ITGA2: variants seen among roughly 807,000 people sequenced by gnomAD.
ITGA2 encodes integrin alpha-2.
In ITGA2, 101 loss-of-function variants were observed where a neutral mutation model predicts 146.3. That is an observed-to-expected ratio of 0.69 (90% CI 0.59 to 0.81). The LOEUF is 0.81. Ranked by LOEUF, ITGA2 falls within the 40% of genes least tolerant of loss-of-function variation. The probability of loss-of-function intolerance (pLI) is 0.00; values close to 1 mark genes in which losing one functional copy is unlikely to be tolerated. For synonymous variants in ITGA2, 477 were observed against 487.1 expected, an observed-to-expected ratio of 0.98 and a Z score of 0.27; for missense variants, 1,281 against 1,402.7, an observed-to-expected ratio of 0.91 and a Z score of 1.39.
At chr5:53,080,410 A>G (rs551825693) in intron 24 of ITGA2, 101 bp from the exon 25 acceptor site, 1 of 866,862 alleles carries the variant, frequency 1.2e-6, no homozygotes, top group African/African-American at 1.6e-5. Context: ...ACTCAGTCTT[A>G]CCACCTCGTA....
intron 2 of ITGA2, among the ~76,000 whole-genome samples, chr5:53,037,874 ATAGCATAATACTG>A (rs1419152291): frequency 6.6e-6 from 1 of 152,350 alleles, no homozygotes; most frequent in South Asian, 2.1e-4. Flanking sequence ...AGAGTTTAAG[ATAGCATAATACTG>A]TCAGAGATGT....
At chr5:53,050,636 C>T (rs1744311850) in intron 6 of ITGA2, among the ~76,000 whole-genome samples, 1 of 152,174 alleles carries the variant, frequency 6.6e-6, no homozygotes, top group Non-Finnish European at 1.5e-5. Context: ...CTCACTGCCA[C>T]TCCTGTTCTG....
chr5:53,028,802 A>G lies in ITGA2; in HGVS notation c.185+1934A>G, dbSNP rs1013261329. Among the ~76,000 whole-genome samples, 3 of 152,092 alleles carry G rather than the reference A, an allele frequency of 2.0e-5. No homozygotes were observed. In the East Asian group the frequency reaches 5.8e-4, roughly 29 times the overall value. Reference sequence around the variant, plus strand: ...TCCATGAGCCAGTCCTGTTAATCCTATCACCAAAATACCAATTATACCTGG... The same window carrying G: ...TCCATGAGCCAGTCCTGTTAATCCTGTCACCAAAATACCAATTATACCTGG... On this transcript the variant is annotated intron_variant, in intron 2 of 29. Coordinates refer to ENST00000296585, the MANE Select transcript of ITGA2 (RefSeq NM_002203.4).
In ITGA2 at chr5:53,042,344, T is replaced by C. The variant is rs1346766776; in HGVS notation, c.295+123T>C. On this transcript the variant is annotated intron_variant, in intron 3 of 29. Transcript: ENST00000296585. ...CAGCTTTTTTTTGCCCTTATGTCTT[T>C]AGTAATATGGGGCACAATCATATCC... is the stretch of plus-strand genomic sequence containing the variant. The C allele has an allele frequency of 5.6e-6, 4 of 713,350 alleles. No individual in the cohort carries two copies. The East Asian group carries it at 1.1e-4, about 19-fold the overall frequency. The allele number at this position is 713,350 out of a possible 1,614,324, so 44.2% of individuals were successfully genotyped here.
chr5:53,056,123 T>A lies in ITGA2; in HGVS notation c.1070T>A (p.Leu357Ter). 6.2e-7 allele frequency: 1 copy of A among 1,611,876 alleles called. No individual in the cohort carries two copies. The highest frequency in any genetic ancestry group is 8.5e-7 in the Non-Finnish European group (1 of 1,178,722). The change falls in exon 9 of 30, where the codon TTA (leucine) becomes TAA (stop). Residue 357 changes from leucine to a stop codon, truncating the protein, a stop_gained. Transcript: ENST00000296585. LOFTEE classifies it high-confidence loss of function. ...EAALLEKAGT[L>*]GEQIFSIEGT... ...GCTCTACTAGAAAAGGCTGGGACATTAGGAGAACAAATTTTCAGCATTGAA... is the reference window on the plus strand; with the variant it reads ...GCTCTACTAGAAAAGGCTGGGACATAAGGAGAACAAATTTTCAGCATTGAA...
At position 53,090,772 on chromosome 5, in the gene ITGA2, T is replaced by TGGGGGG; in HGVS notation, c.*178_*179insGGGGGG. The TGGGGGG allele has an allele frequency of 2.1e-5, 2 of 96,340 alleles. No individual in the cohort carries two copies. Among genetic ancestry groups the TGGGGGG allele is most frequent in the South Asian group, 1.3e-4 (1 of 7,682 alleles). The allele number at this position is 96,340 out of a possible 1,614,324, so 6.0% of individuals were successfully genotyped here. On this transcript the variant is annotated 3_prime_UTR_variant, in exon 30 of 30. Coordinates refer to ENST00000296585, the MANE Select transcript of ITGA2 (RefSeq NM_002203.4). The stretch of plus-strand genomic sequence containing the variant: ...TTTGGAATGAAGAAATTGTGGGGGG[T>TGGGGGG]GGGGGAGGTGCGGGGGGCAGGTAGG...
intron 2 of ITGA2, among the ~76,000 whole-genome samples, chr5:53,035,587 T>C (rs1381493993): frequency 6.6e-6 from 1 of 152,216 alleles, no homozygotes; most frequent in Non-Finnish European, 1.5e-5. Context: ...ATTAAATTTA[T>C]GATAGCAGTA....
At chr5:53,074,123 AT>A (rs1487190466) in intron 20 of ITGA2, among the ~76,000 whole-genome samples, 1 of 151,686 alleles carries the variant, frequency 6.6e-6, no homozygotes, top group Non-Finnish European at 1.5e-5. Flanking sequence ...AAAAACTATC[AT>A]TTTTTTCTGG....
At chr5:53,038,138 A>G (rs1402206288) in intron 2 of ITGA2, among the ~76,000 whole-genome samples, 1 of 151,962 alleles carries the variant, frequency 6.6e-6, no homozygotes, top group East Asian at 1.9e-4. Context: ...TAGTTGAGAG[A>G]AAAAAACCAA....
intron 23 of ITGA2, 51 bp from the exon 24 acceptor site, chr5:53,078,721 C>A: frequency 9.3e-7 from 1 of 1,070,684 alleles, no homozygotes; most frequent in Non-Finnish European, 1.4e-6. Flanking sequence ...TATTAACCTT[C>A]AAGAACAAAA....
rs1201587796 is a variant in ITGA2, at chr5:53,034,383, C to T, written c.185+7515C>T. 4.0e-5 allele frequency among the ~76,000 whole-genome samples: 6 copies of T among 148,976 alleles called. No homozygotes were observed. In the East Asian group the frequency reaches 9.9e-4, roughly 24 times the overall value. ...CAAGATCACGTCACTGCACTCCAGC[C>T]GGGGCAACAGTGAGACTCCAACTCA... On this transcript the variant is annotated intron_variant, in intron 2 of 29. Transcript: ENST00000296585.
At position 53,046,496 on chromosome 5, in the gene ITGA2, G is replaced by A. The variant is rs3212677; in HGVS notation, c.387+1404G>A. ...GATATTCCAAGGTCTTTACAATAAG[G>A]TTGCTTTAATCTTTTTGTTTTTTGA... is the stretch of plus-strand genomic sequence containing the variant. On this transcript the variant is annotated intron_variant, in intron 4 of 29. Transcript: ENST00000296585. 1.2e-3 allele frequency among the ~76,000 whole-genome samples: 189 copies of A among 151,764 alleles called. 1 individual carries two copies. The Middle Eastern group carries it at 0.021, about 16-fold the overall frequency.
chr5:53,003,884 G>T (rs62357202), intron 1 of ITGA2, among the ~76,000 whole-genome samples: 1 of 151,968 alleles, frequency 6.6e-6, no homozygotes, highest in African/African-American at 2.4e-5. Flanking sequence ...CAGCTCAAGC[G>T]ATCTGCCCTC....
At chr5:53,011,936 G>A (rs986280775) in intron 1 of ITGA2, among the ~76,000 whole-genome samples, 1 of 152,118 alleles carries the variant, frequency 6.6e-6, no homozygotes, top group African/African-American at 2.4e-5. Flanking sequence ...AGTAATGAGT[G>A]TATTTGAAAA....
chr5:53,008,052 G>A (rs552170205), intron 1 of ITGA2, among the ~76,000 whole-genome samples: 2 of 152,038 alleles, frequency 1.3e-5, no homozygotes, highest in Admixed American at 6.6e-5. Flanking sequence ...GGAATTTTCT[G>A]GTGTAATATA....
chr5:52,995,014 C>T (rs1248552187), intron 1 of ITGA2, among the ~76,000 whole-genome samples: 1 of 152,156 alleles, frequency 6.6e-6, no homozygotes, highest in African/African-American at 2.4e-5. Context: ...GTAAGTGATA[C>T]TAGAAAAGCA....
At chr5:52,990,255 C>A (rs938905449) in intron 1 of ITGA2, 2 of 152,496 alleles carry the variant, frequency 1.3e-5, no homozygotes, top group African/African-American at 4.8e-5. Context: ...GTTCTTTTCA[C>A]TTCTGGATCC....
rs960063516 is a variant in ITGA2 at position 53,027,168 on chromosome 5, T to G, written c.185+300T>G. Among the ~76,000 whole-genome samples, 32 of 152,314 alleles carry G rather than the reference T, an allele frequency of 2.1e-4. No homozygotes were observed. In the South Asian group the frequency reaches 5.8e-3, roughly 28 times the overall value. ...TAGGTAGATTGATAGAATGATAGAT[T>G]TGTCTTCATTTCTGATCATGTAAAC... On this transcript the variant is annotated intron_variant, in intron 2 of 29. Coordinates refer to ENST00000296585, the MANE Select transcript of ITGA2 (RefSeq NM_002203.4).
chr5:53,071,590 T>C (rs955786561), intron 17 of ITGA2, among the ~76,000 whole-genome samples: 4 of 151,798 alleles, frequency 2.6e-5, no homozygotes, highest in Non-Finnish European at 5.9e-5. Flanking sequence ...AATACCAAGA[T>C]ACCGCTTCTG....
Sources: allele counts gnomAD v4.1 joint callset (sites outside exome capture counted in the v4.1 genomes callset), GRCh38; gene constraint gnomAD v4.1.1; transcripts MANE v1.5; gene names NCBI Gene and HGNC (gene_info 2026-07-23, HGNC 2026-07-21).